Variants in SOX6 observed in about 807,000 individuals in gnomAD.
SOX6 encodes transcription factor SOX-6.
A neutral mutation model predicts 97.8 loss-of-function variants in SOX6; 11 were observed. The observed-to-expected ratio is 0.11, with a 90% CI of 0.07 to 0.19. The LOEUF (loss-of-function observed/expected upper bound fraction) is 0.19. Among genes scored for constraint, SOX6 ranks in the 10% least tolerant of loss-of-function variants. SOX6 has a pLI of 1.00. For missense variants in SOX6, 810 were observed against 1,039.5 expected (o/e 0.78, Z 3.04); for synonymous variants, 360 against 371.4 (o/e 0.97, Z 0.35).
intron 4 of SOX6, among the ~76,000 whole-genome samples, chr11:16,203,084 T>C (rs2134130488): frequency 6.6e-6 from 1 of 152,042 alleles, no homozygotes; most frequent in East Asian, 1.9e-4. Context: ...AGGAGAAAAA[T>C]CTGAAATACT....
chr11:16,102,337 T>G (rs1304121763), intron 7 of SOX6, among the ~76,000 whole-genome samples: 1 of 151,932 alleles, frequency 6.6e-6, no homozygotes, highest in Non-Finnish European at 1.5e-5. Context: ...GTGAAAGACC[T>G]CTACAAGAAA....
intron 12 of SOX6, among the ~76,000 whole-genome samples, chr11:16,046,150 T>C (rs1304821635): frequency 6.6e-6 from 1 of 152,196 alleles, no homozygotes; most frequent in African/African-American, 2.4e-5. Context: ...CATGGTAACA[T>C]ATTAGTCTTC....
chr11:16,527,495 CAT>C (rs1204125381), intron 4 of SOX6, among the ~76,000 whole-genome samples: 2 of 152,186 alleles, frequency 1.3e-5, no homozygotes, highest in South Asian at 4.1e-4. Context: ...AAGCCTAACA[CAT>C]GTGGTAGGTT....
intron 4 of SOX6, among the ~76,000 whole-genome samples, chr11:16,216,384 C>T (rs994384293): frequency 6.6e-6 from 1 of 152,086 alleles, no homozygotes; most frequent in African/African-American, 2.4e-5. Flanking sequence ...CATTCCTTCT[C>T]GAAAAGAAGG....
At chr11:16,680,427 C>T (rs972338056) in intron 3 of SOX6, among the ~76,000 whole-genome samples, 3 of 152,150 alleles carry the variant, frequency 2.0e-5, no homozygotes, top group African/African-American at 7.2e-5. Context: ...TTGTAACCAT[C>T]AGGACTGCCT....
At chr11:16,640,121 G>A (rs1848872766) in intron 3 of SOX6, among the ~76,000 whole-genome samples, 1 of 152,086 alleles carries the variant, frequency 6.6e-6, no homozygotes, top group Admixed American at 6.6e-5. Context: ...TAGTATGAAG[G>A]GCTGTTGAAT....
intron 6 of SOX6, among the ~76,000 whole-genome samples, chr11:16,143,185 G>C (rs1245774026): frequency 6.6e-6 from 1 of 152,188 alleles, no homozygotes; most frequent in Non-Finnish European, 1.5e-5. Flanking sequence ...GAATAGAGTG[G>C]GGGCCAATAT....
chr11:16,185,043 C>A (rs758381150), intron 5 of SOX6, among the ~76,000 whole-genome samples: 28 of 152,244 alleles, frequency 1.8e-4, no homozygotes, highest in Admixed American at 3.9e-4. Context: ...ACTTCCCAAG[C>A]CTTTTTAATG....
Position 16,607,834 on chromosome 11 carries a change from A to G in SOX6, n.609+4247T>C, listed in dbSNP as rs1048201176. On this transcript the variant is annotated intron_variant and non_coding_transcript_variant, in intron 4 of 5. Coordinates refer to the SOX6 transcript ENST00000524520. This position sits in a 1 kb window ranked among gnomAD's most constrained non-coding sequence, Gnocchi z 6.5. ...TCCCAGACAACACAGGCAAGATGAGACAAGAGGCGAGGGAGGCAGCGAGCC... is the reference window on the plus strand; with the variant it reads ...TCCCAGACAACACAGGCAAGATGAGGCAAGAGGCGAGGGAGGCAGCGAGCC... 1 of 152,720 alleles carries G rather than the reference A, an allele frequency of 6.5e-6. No homozygotes were observed. The highest frequency in any genetic ancestry group is 1.9e-4 in the East Asian group (1 of 5,196). The allele number at this position is 152,720 out of a possible 1,614,324, so 9.5% of individuals were successfully genotyped here.
rs1295883271 is a variant in SOX6 at position 15,966,912 on chromosome 11, T to C, written c.*5897A>G. ...ATTCATTCCTGTAAATTTGAAGAGA[T>C]TTTTTTTATTTTTCCCATTTCTTTA... is the stretch of plus-strand genomic sequence containing the variant. On this transcript the variant is annotated 3_prime_UTR_variant, in exon 16 of 16. Transcript: ENST00000683767. The C allele has an allele frequency of 6.6e-6, 1 of 151,954 alleles. No homozygotes were observed. The highest frequency in any genetic ancestry group is 1.5e-5 in the Non-Finnish European group (1 of 67,996). The allele number at this position is 151,954 out of a possible 1,614,324, so 9.4% of individuals were successfully genotyped here.
At chr11:16,369,318 ATTGT>A (rs774998651) in intron 1 of SOX6, among the ~76,000 whole-genome samples, 17 of 152,120 alleles carry the variant, frequency 1.1e-4, no homozygotes, top group Non-Finnish European at 2.4e-4. Flanking sequence ...CCTATTTAAT[ATTGT>A]TTCTTTCCAC....
At chr11:16,660,645 C>T (rs1847758941) in intron 3 of SOX6, among the ~76,000 whole-genome samples, 1 of 152,078 alleles carries the variant, frequency 6.6e-6, no homozygotes, top group South Asian at 2.1e-4. Flanking sequence ...AAATACTAAC[C>T]CACAAGGTGA....
chr11:16,079,209 G>A (rs1185631865), intron 9 of SOX6, among the ~76,000 whole-genome samples: 4 of 152,052 alleles, frequency 2.6e-5, no homozygotes, highest in Admixed American at 1.3e-4. Context: ...TATGCCCTTC[G>A]ATTTCCATCC....
At chr11:16,500,750 G>A (rs1346179396) in intron 4 of SOX6, among the ~76,000 whole-genome samples, 6 of 152,018 alleles carry the variant, frequency 3.9e-5, no homozygotes, top group East Asian at 1.9e-4. Flanking sequence ...TCCAACTCAC[G>A]AGGGATGTGA....
intron 14 of SOX6, among the ~76,000 whole-genome samples, chr11:15,986,982 G>A (rs867229275): frequency 1.4e-4 from 21 of 152,098 alleles, no homozygotes; most frequent in African/African-American, 4.1e-4. Flanking sequence ...CTTTAGAACC[G>A]GAAGATACCA....
At chr11:16,524,398 T>C (rs1334847204) in intron 4 of SOX6, among the ~76,000 whole-genome samples, 4 of 152,092 alleles carry the variant, frequency 2.6e-5, no homozygotes, top group Non-Finnish European at 5.9e-5. Flanking sequence ...TCTCAATAGA[T>C]GCAGAAAAGG....
chr11:16,158,253 C>T (rs192402755), intron 6 of SOX6, among the ~76,000 whole-genome samples: 2 of 152,020 alleles, frequency 1.3e-5, no homozygotes, highest in African/African-American at 2.4e-5. Flanking sequence ...CCCTTAGTTC[C>T]TTCCAATTTC....
At chr11:16,024,073 A>C (rs2133874874) in intron 12 of SOX6, among the ~76,000 whole-genome samples, 1 of 152,222 alleles carries the variant, frequency 6.6e-6, no homozygotes, top group South Asian at 2.1e-4. Flanking sequence ...GTGGGTCCTA[A>C]TCCAATCTGA....
chr11:16,197,126 G>A (rs1851801994), intron 4 of SOX6, among the ~76,000 whole-genome samples: 2 of 151,974 alleles, frequency 1.3e-5, no homozygotes, highest in South Asian at 2.1e-4. Flanking sequence ...GAGCCACCAC[G>A]CCCAACATCC....
Sources: allele counts gnomAD v4.1 joint callset (sites outside exome capture counted in the v4.1 genomes callset), GRCh38; gene constraint gnomAD v4.1.1; non-coding constraint Gnocchi (gnomAD v3.1); transcripts MANE v1.5; gene names NCBI Gene and HGNC (gene_info 2026-07-23, HGNC 2026-07-21).